The following NBPF8 variants were observed in gnomAD, a reference collection of about 807,000 sequenced individuals.
NBPF8 encodes the protein NBPF family member NBPF8.
chr1:120,463,016 AG>A (rs1391506594), intron 21 of NBPF8, 50 bp downstream of exon 19: 2 of 604,236 alleles, frequency 3.3e-6, no homozygotes, highest in African/African-American at 3.9e-5. Flanking sequence ...TCTTCCAGAT[AG>A]GGGTGATATT....
intron 18 of NBPF8, among the ~76,000 whole-genome samples, 181 bp downstream of exon 16, chr1:120,460,805 C>A (rs1281314060): frequency 6.6e-6 from 1 of 151,612 alleles, no homozygotes; most frequent in African/African-American, 2.4e-5. Flanking sequence ...TTCTTCCTAC[C>A]CTTATCATTT....
chr1:120,450,237 T>A (rs1570937547), intron 11 of NBPF8, among the ~76,000 whole-genome samples: 1 of 151,862 alleles, frequency 6.6e-6, no homozygotes, highest in African/African-American at 2.4e-5. Context: ...ATAATAATAA[T>A]AATAATGATA....
At chr1:120,421,483 T>TCCCTGCCTTCCTTCCTCC (rs1660575605) in intron 1 of NBPF8, among the ~76,000 whole-genome samples, 1 of 146,526 alleles carries the variant, frequency 6.8e-6, no homozygotes, top group African/African-American at 2.5e-5. Flanking sequence ...TTCCTCCCTC[T>TCCCTGCCTTCCTTCCTCC]CTCCCTGCCT....
intron 17 of NBPF8, 119 bp from the exon 16 acceptor site, chr1:120,460,454 G>A (rs1221876791): frequency 1.3e-6 from 1 of 784,570 alleles, no homozygotes; most frequent in Non-Finnish European, 2.3e-6. Context: ...TTCTCTCAAA[G>A]TCTCCTGTTC....
upstream of NBPF8, among the ~76,000 whole-genome samples, chr1:120,434,446 T>G (rs1661014333): frequency 6.8e-6 from 1 of 146,240 alleles, no homozygotes; most frequent in Non-Finnish European, 1.5e-5. Context: ...CCATGTTGGT[T>G]TGCTGCACCC....
intron 15 of NBPF8, among the ~76,000 whole-genome samples, chr1:120,454,687 C>T (rs1198008707): frequency 1.6e-5 from 1 of 61,992 alleles, no homozygotes; most frequent in Non-Finnish European, 3.2e-5. Flanking sequence ...TCCAATGTTT[C>T]TTTGTAGCAT....
Position 120,462,180 on chromosome 1 carries a change from A to G in NBPF8, n.3044A>G, listed in dbSNP as rs1432251348. ...AGTACCAAGAAGTGGAAGAAGACCA[A>G]GACCCATCATGCCCCAGGTAACTTT... On this transcript the variant is annotated non_coding_transcript_exon_variant, in exon 20 of 25. Coordinates refer to ENST00000583271, the Ensembl canonical transcript of NBPF8. The G allele has an allele frequency of 9.2e-6, 5 of 545,020 alleles. No individual in the cohort carries two copies. The African/African-American group carries it at 1.9e-4, about 20-fold the overall frequency. The allele number at this position is 545,020 out of a possible 1,614,324, so 33.8% of individuals were successfully genotyped here.
chr1:120,460,699 T>A (rs1661559954), intron 18 of NBPF8, 75 bp downstream of exon 16: 2 of 882,896 alleles, frequency 2.3e-6, no homozygotes, highest in African/African-American at 3.3e-5. Context: ...AAACAGTACA[T>A]GCTGAAAATA....
rs1442971879 is a variant in NBPF8 at position 120,460,630 on chromosome 1, T to C, written n.2836+6T>C. On this transcript the variant is annotated splice_donor_region_variant and intron_variant and non_coding_transcript_variant, in intron 18 of 24. Transcript: ENST00000583271. ...CAAGAGGCAACAGGTCCCAGGTGAG[T>C]CTGAGAAATTGTGGACAGTTAATTT... 8.0e-7 allele frequency: 1 copy of C among 1,256,780 alleles called. No individual in the cohort carries two copies. The highest frequency in any genetic ancestry group is 2.3e-5 in the East Asian group (1 of 42,968). The allele number at this position is 1,256,780 out of a possible 1,614,324, so 77.9% of individuals were successfully genotyped here. A position where few individuals can be genotyped will look rare whatever the true frequency, so the allele number is the denominator to read the frequency against.
At chr1:120,416,645 T>A (rs2101371829), upstream of NBPF8, among the ~76,000 whole-genome samples, 1 of 134,750 alleles carries the variant, frequency 7.4e-6, no homozygotes, top group Admixed American at 7.5e-5. Context: ...AGGTAATGAA[T>A]TTTTACCAAG....
chr1:120,449,600 C>T (rs587733321), intron 11 of NBPF8, among the ~76,000 whole-genome samples, 198 bp downstream of exon 9: 2 of 151,892 alleles, frequency 1.3e-5, no homozygotes, highest in Admixed American at 1.3e-4. Context: ...TGTTTTCAAT[C>T]AGGTGGGGGT....
At chr1:120,468,402 A>AATC (rs1190016873), downstream of NBPF8, among the ~76,000 whole-genome samples, 2 of 147,522 alleles carry the variant, frequency 1.4e-5, no homozygotes, top group Non-Finnish European at 3.0e-5. Flanking sequence ...CATGTTTAAT[A>AATC]ATCTTTTCTC....
At chr1:120,457,710 C>A in intron 16 of NBPF8, among the ~76,000 whole-genome samples, 1 of 53,170 alleles carries the variant, frequency 1.9e-5, no homozygotes, top group Non-Finnish European at 3.1e-5. Flanking sequence ...GCACATGTAC[C>A]CTAAGACTTA....
At chr1:120,427,968 A>G (rs1660767490) in intron 3 of NBPF8, among the ~76,000 whole-genome samples, 121 bp downstream of exon 3, 1 of 152,214 alleles carries the variant, frequency 6.6e-6, no homozygotes, top group South Asian at 2.1e-4. Context: ...TTTTCTTTGT[A>G]TCACTTTAAA....
At chr1:120,436,282 G>A (rs1661072076), upstream of NBPF8, 1 of 972,224 alleles carries the variant, frequency 1.0e-6, no homozygotes, top group East Asian at 2.5e-5. Context: ...ATCAGAGTCT[G>A]AGCTACTGGC....
At chr1:120,433,239 CG>C (rs1660934882), upstream of NBPF8, 15 of 152,002 alleles carry the variant, frequency 9.9e-5, no homozygotes, top group Non-Finnish European at 1.8e-4. Flanking sequence ...ATAAGCAAGT[CG>C]GTATTGAAGA....
intron 24 of NBPF8, 92 bp from the exon 23 acceptor site, chr1:120,465,886 A>C: frequency 3.8e-6 from 6 of 1,579,780 alleles, no homozygotes; most frequent in South Asian, 2.2e-5. Flanking sequence ...TTTCTTTTCT[A>C]ACCACTTCCT....
At chr1:120,449,854 T>C (rs1661211134) in intron 11 of NBPF8, among the ~76,000 whole-genome samples, 1 of 152,166 alleles carries the variant, frequency 6.6e-6, no homozygotes, top group South Asian at 2.1e-4. Context: ...TTGGTGATAG[T>C]AGCCAGTACC....
intron 22 of NBPF8, among the ~76,000 whole-genome samples, 162 bp from the exon 21 acceptor site, chr1:120,464,214 C>T (rs1268726632): frequency 7.5e-6 from 1 of 133,764 alleles, no homozygotes; most frequent in Non-Finnish European, 1.6e-5. Context: ...TTCCATTTGG[C>T]CCTGTTCTGT....
Sources: gnomAD v4.1 joint callset for allele counts (sites outside exome capture counted in the v4.1 genomes callset) on GRCh38, gnomAD v4.1.1 for gene constraint, MANE v1.5 for transcripts, NCBI Gene and HGNC (gene_info 2026-07-23, HGNC 2026-07-21) for gene names.